The following DACH1 variants were observed in gnomAD, a reference collection of about 807,000 sequenced individuals.
The protein encoded by DACH1 is dachshund family transcription factor 1.
A neutral mutation model predicts 54.2 loss-of-function variants in DACH1; 12 were observed. The ratio of observed to expected loss-of-function variants is 0.22; its 90% CI spans 0.14 to 0.36. The LOEUF (loss-of-function observed/expected upper bound fraction) is 0.36. DACH1 is among the 10% of genes least tolerant of loss of function. The probability of loss-of-function intolerance (pLI) is 1.00; values close to 1 mark genes in which losing one functional copy is unlikely to be tolerated. For missense variants in DACH1, 805 were observed against 929.8 expected, an observed-to-expected ratio of 0.87 and a Z score of 1.75; for synonymous variants, 386 against 366.2, an observed-to-expected ratio of 1.05 and a Z score of -0.62.
intron 1 of DACH1, among the ~76,000 whole-genome samples, chr13:71,798,908 C>T (rs922464790): frequency 2.6e-5 from 4 of 152,004 alleles, no homozygotes; most frequent in Non-Finnish European, 4.4e-5. Context: ...AATGAAACTT[C>T]GCTCCCCCAG....
chr13:71,864,653 C>T (rs1344615952), intron 1 of DACH1, among the ~76,000 whole-genome samples: 2 of 152,138 alleles, frequency 1.3e-5, no homozygotes, highest in African/African-American at 4.8e-5. Context: ...TTTGCCTCTG[C>T]GCTTCCTTGC....
At chr13:71,581,323 G>A (rs1376516492) in intron 3 of DACH1, among the ~76,000 whole-genome samples, 1 of 152,094 alleles carries the variant, frequency 6.6e-6, no homozygotes, top group African/African-American at 2.4e-5. Flanking sequence ...GGAGAGCAGT[G>A]GTGCAATCTC....
intron 3 of DACH1, among the ~76,000 whole-genome samples, chr13:71,620,301 A>C (rs1876125586): frequency 6.6e-6 from 1 of 151,984 alleles, no homozygotes; most frequent in African/African-American, 2.4e-5. Flanking sequence ...AGAAACACTA[A>C]ACTATTTCCA....
intron 3 of DACH1, among the ~76,000 whole-genome samples, chr13:71,627,812 C>T (rs948551925): frequency 6.6e-6 from 1 of 152,014 alleles, no homozygotes; most frequent in African/African-American, 2.4e-5. Context: ...CCTGAAATCT[C>T]CTCACAGGCC....
At chr13:71,711,123 T>G (rs565213898) in intron 1 of DACH1, among the ~76,000 whole-genome samples, 6 of 152,296 alleles carry the variant, frequency 3.9e-5, no homozygotes, top group Admixed American at 3.9e-4. Flanking sequence ...GGCTGGATCC[T>G]TGAAAAATGC....
At chr13:71,649,086 A>T (rs1432593615) in intron 2 of DACH1, among the ~76,000 whole-genome samples, 1 of 152,194 alleles carries the variant, frequency 6.6e-6, no homozygotes, top group Non-Finnish European at 1.5e-5. Flanking sequence ...CATATACAAC[A>T]GTGGTCCCAT....
intron 1 of DACH1, among the ~76,000 whole-genome samples, chr13:71,749,261 A>T (rs1032109079): frequency 2.6e-5 from 4 of 151,928 alleles, no homozygotes; most frequent in Non-Finnish European, 5.9e-5. Context: ...GGGATTACAG[A>T]CTTGAGCCAC....
chr13:71,483,104 A>G (rs1878189472), intron 7 of DACH1, among the ~76,000 whole-genome samples: 1 of 151,936 alleles, frequency 6.6e-6, no homozygotes, highest in Non-Finnish European at 1.5e-5. Context: ...GCCCGGCCCA[A>G]CTGACACATT....
At chr13:71,723,824 T>G (rs566989155) in intron 1 of DACH1, among the ~76,000 whole-genome samples, 1 of 152,062 alleles carries the variant, frequency 6.6e-6, no homozygotes, top group African/African-American at 2.4e-5. Context: ...TTGAGTAGCT[T>G]GGATTACAGG....
At position 71,519,883 on chromosome 13, in the gene DACH1, GTATATATA is replaced by G. The variant is rs57190375; in HGVS notation, c.1571-30743_1571-30736del. On this transcript the variant is annotated intron_variant, in intron 6 of 10. Transcript: ENST00000613252. Reference sequence around the variant, plus strand: ...AGATGTTTGTGTCCAAACCAAAGTAGTATATATATATATATATATATATATCCTAACTA... The same window carrying G: ...AGATGTTTGTGTCCAAACCAAAGTAGTATATATATATATATATCCTAACTA... Among the ~76,000 whole-genome samples, 138 of 29,352 alleles carry G rather than the reference GTATATATA, an allele frequency of 4.7e-3. 16 individuals are homozygous for G. Among genetic ancestry groups the G allele is most frequent in the Non-Finnish European group, 8.2e-3 (83 of 10,176 alleles). 19.3% of individuals were successfully genotyped at this position (29,352 alleles called of 152,430 possible).
At chr13:71,694,262 G>C (rs191152912) in intron 1 of DACH1, among the ~76,000 whole-genome samples, 1 of 152,174 alleles carries the variant, frequency 6.6e-6, no homozygotes, top group Admixed American at 6.5e-5. Flanking sequence ...TGCATGAGGA[G>C]CTGTCAAGAA....
At chr13:71,723,965 A>T (rs1027462468) in intron 1 of DACH1, among the ~76,000 whole-genome samples, 2 of 152,156 alleles carry the variant, frequency 1.3e-5, no homozygotes, top group Admixed American at 1.3e-4. Context: ...TGCTGGGCTT[A>T]CAGGCCTGAA....
chr13:71,704,251 T>C, intron 1 of DACH1: 1 of 258,338 alleles, frequency 3.9e-6, no homozygotes, highest in Non-Finnish European at 7.6e-6. Flanking sequence ...CAACATAGAG[T>C]TGATCCTTTG....
chr13:71,798,323 CAT>C (rs35310464), intron 1 of DACH1, among the ~76,000 whole-genome samples: 15,715 of 95,090 alleles, frequency 0.17, 1,060 homozygotes, highest in Non-Finnish European at 0.24. Flanking sequence ...TTGTTACATA[CAT>C]ATATATATAT....
intron 6 of DACH1, among the ~76,000 whole-genome samples, chr13:71,489,959 C>T (rs879576024): frequency 7.2e-5 from 11 of 152,100 alleles, no homozygotes; most frequent in South Asian, 2.1e-4. Flanking sequence ...CTTTTCACCT[C>T]TCACAGTGAA....
At chr13:71,848,166 T>C (rs567671708) in intron 1 of DACH1, among the ~76,000 whole-genome samples, 127 of 152,212 alleles carry the variant, frequency 8.3e-4, no homozygotes, top group African/African-American at 2.9e-3. Context: ...CCTGTTTTCA[T>C]AGAGTTGCAT....
chr13:71,577,046 C>A (rs1409236360), intron 3 of DACH1, among the ~76,000 whole-genome samples: 1 of 152,150 alleles, frequency 6.6e-6, no homozygotes, highest in African/African-American at 2.4e-5. Context: ...GGAATCCTTA[C>A]TGAGGAACTT....
chr13:71,841,098 G>A (rs959669484), intron 1 of DACH1, among the ~76,000 whole-genome samples: 1 of 152,014 alleles, frequency 6.6e-6, no homozygotes, highest in South Asian at 2.1e-4. Flanking sequence ...TAAAATATGT[G>A]GATGCCATGA....
intron 2 of DACH1, among the ~76,000 whole-genome samples, chr13:71,666,234 T>C (rs1879824476): frequency 6.6e-6 from 1 of 152,192 alleles, no homozygotes; most frequent in Admixed American, 6.5e-5. Context: ...TTTACTTCTG[T>C]TGATTATATC....
Sources: gnomAD v4.1 joint callset for allele counts (sites outside exome capture counted in the v4.1 genomes callset) on GRCh38, gnomAD v4.1.1 for gene constraint, MANE v1.5 for transcripts, NCBI Gene and HGNC (gene_info 2026-07-23, HGNC 2026-07-21) for gene names.